Variants in AGBL1 observed in about 807,000 individuals in gnomAD.
The protein encoded by AGBL1 is cytosolic carboxypeptidase 4.
Under a neutral mutation model 118.9 loss-of-function variants are expected in AGBL1, and 130 were observed. That is an observed-to-expected ratio of 1.09 (90% CI 0.95 to 1.26). AGBL1 has a LOEUF of 1.26. Among genes scored for constraint, AGBL1 ranks in the 50% most tolerant of loss-of-function variants. The probability of loss-of-function intolerance (pLI) is 0.00; values close to 1 mark genes in which losing one functional copy is unlikely to be tolerated. For synonymous variants in AGBL1, 555 were observed against 478.9 expected, an observed-to-expected ratio of 1.16 and a Z score of -2.08; for missense variants, 1,584 against 1,298.1, an observed-to-expected ratio of 1.22 and a Z score of -3.38.
intron 1 of AGBL1, among the ~76,000 whole-genome samples, chr15:86,113,744 G>T (rs1897581808): frequency 6.6e-6 from 1 of 152,124 alleles, no homozygotes; most frequent in Admixed American, 6.5e-5. Context: ...CATCACAGGT[G>T]CTCACTATGC....
intron 21 of AGBL1, among the ~76,000 whole-genome samples, chr15:86,628,192 T>A (rs1378163477): frequency 6.6e-6 from 1 of 152,200 alleles, no homozygotes; most frequent in Admixed American, 6.5e-5. Flanking sequence ...AGTTTTCGAT[T>A]TGTAATAATA....
chr15:86,643,517 G>A (rs1245855551), intron 21 of AGBL1, among the ~76,000 whole-genome samples: 1 of 152,028 alleles, frequency 6.6e-6, no homozygotes, highest in Non-Finnish European at 1.5e-5. Flanking sequence ...ACGTATATTA[G>A]CTTGTCGCTA....
chr15:86,124,912 A>T (rs541388138), intron 1 of AGBL1, among the ~76,000 whole-genome samples: 54 of 152,332 alleles, frequency 3.5e-4, no homozygotes, highest in African/African-American at 1.3e-3. Context: ...CATAAAGCTG[A>T]TTGATGTTAG....
intron 23 of AGBL1, among the ~76,000 whole-genome samples, chr15:86,938,029 G>A (rs2080697164): frequency 6.6e-6 from 1 of 151,914 alleles, no homozygotes; most frequent in African/African-American, 2.4e-5. Flanking sequence ...TGCCCATCAA[G>A]TATTTAGTCT....
chr15:86,212,818 T>C (rs1178685135), intron 5 of AGBL1, among the ~76,000 whole-genome samples: 1 of 152,084 alleles, frequency 6.6e-6, no homozygotes, highest in Non-Finnish European at 1.5e-5. Context: ...CCTGGCTAAT[T>C]TTTGTATTTT....
intron 17 of AGBL1, among the ~76,000 whole-genome samples, chr15:86,370,764 C>T (rs555232347): frequency 1.3e-5 from 2 of 152,328 alleles, no homozygotes; most frequent in South Asian, 2.1e-4. Context: ...CTTTCTCCTC[C>T]TTCCACTCCT....
In AGBL1 at chr15:86,992,893, G is replaced by T. The variant is rs372355370; in HGVS notation, c.3323+4805G>T. Among the ~76,000 whole-genome samples, 4 of 152,056 alleles carry T rather than the reference G, an allele frequency of 2.6e-5. No individual in the cohort carries two copies. The East Asian group carries it at 7.7e-4, about 29-fold the overall frequency. On this transcript the variant is annotated intron_variant, in intron 24 of 24. Transcript: ENST00000441037. ...TTATCTAGTCATAGTTTCCTTACGG[G>T]TGACTGTTTTAAATGGCAGGAATGA...
chr15:86,639,700 G>T (rs1261447580), intron 21 of AGBL1, among the ~76,000 whole-genome samples: 1 of 152,186 alleles, frequency 6.6e-6, no homozygotes, highest in Non-Finnish European at 1.5e-5. Flanking sequence ...TCTGGCTGCA[G>T]CACAGAAATG....
intron 22 of AGBL1, among the ~76,000 whole-genome samples, chr15:86,756,085 T>C (rs942308707): frequency 1.3e-5 from 2 of 152,080 alleles, no homozygotes; most frequent in Non-Finnish European, 2.9e-5. Flanking sequence ...TGCAGAAATA[T>C]AGTAGGGTCA....
chr15:87,029,070 A>C, downstream of AGBL1: 1 of 487,994 alleles, frequency 2.0e-6, no homozygotes. Flanking sequence ...TAGTTCTCTG[A>C]ACCTAGAACA....
intron 1 of AGBL1, among the ~76,000 whole-genome samples, chr15:86,129,439 G>A (rs1042197436): frequency 1.3e-5 from 2 of 152,174 alleles, no homozygotes; most frequent in African/African-American, 4.8e-5. Context: ...CCCTGACTTG[G>A]CTTTAAATGA....
At chr15:86,189,993 G>C (rs1284797860) in intron 5 of AGBL1, among the ~76,000 whole-genome samples, 1 of 152,136 alleles carries the variant, frequency 6.6e-6, no homozygotes, top group African/African-American at 2.4e-5. Context: ...ATAAAAGAAG[G>C]ATGTCCTAAA....
intron 17 of AGBL1, among the ~76,000 whole-genome samples, chr15:86,319,882 G>A (rs926603093): frequency 8.9e-5 from 13 of 146,834 alleles, no homozygotes; most frequent in African/African-American, 3.2e-4. Context: ...TCAGCCTCCC[G>A]AGTAGCTGGG....
At chr15:86,796,140 C>T (rs892490244) in intron 22 of AGBL1, among the ~76,000 whole-genome samples, 1 of 152,122 alleles carries the variant, frequency 6.6e-6, no homozygotes, top group Non-Finnish European at 1.5e-5. Context: ...ATGCTTTTCT[C>T]AAGGTCACAT....
intron 24 of AGBL1, among the ~76,000 whole-genome samples, chr15:86,997,696 T>C (rs933786047): frequency 1.3e-5 from 2 of 152,128 alleles, no homozygotes; most frequent in African/African-American, 4.8e-5. Flanking sequence ...ATCTGATTAT[T>C]AAATTACACA....
chr15:86,470,048 C>T (rs574559151), intron 18 of AGBL1, among the ~76,000 whole-genome samples: 1 of 152,268 alleles, frequency 6.6e-6, no homozygotes, highest in East Asian at 1.9e-4. Context: ...TCAGATGTTT[C>T]CTCTGCTGTG....
At chr15:86,242,932 T>C (rs2078662670) in intron 6 of AGBL1, among the ~76,000 whole-genome samples, 1 of 152,210 alleles carries the variant, frequency 6.6e-6, no homozygotes, top group Non-Finnish European at 1.5e-5. Flanking sequence ...GGCTTTCCTG[T>C]TTAGACCACA....
chr15:86,614,253 T>TG (rs2084693518), intron 21 of AGBL1, among the ~76,000 whole-genome samples: 1 of 152,196 alleles, frequency 6.6e-6, no homozygotes, highest in Admixed American at 6.5e-5. Context: ...CTGGGGCTCT[T>TG]GCCTTAATTT....
intron 22 of AGBL1, among the ~76,000 whole-genome samples, chr15:86,802,009 G>C (rs2078656798): frequency 6.6e-6 from 1 of 152,062 alleles, no homozygotes; most frequent in African/African-American, 2.4e-5. Context: ...ATATCCTTTG[G>C]AGACTAAACA....
Sources: gnomAD v4.1 joint callset for allele counts (sites outside exome capture counted in the v4.1 genomes callset) on GRCh38, gnomAD v4.1.1 for gene constraint, MANE v1.5 for transcripts, NCBI Gene and HGNC (gene_info 2026-07-23, HGNC 2026-07-21) for gene names.